The following PMPCB variants were observed in gnomAD, a reference collection of about 807,000 sequenced individuals.
The protein encoded by PMPCB is mitochondrial-processing peptidase subunit beta.
A neutral mutation model predicts 61.5 loss-of-function variants in PMPCB; 46 were observed. The observed-to-expected ratio is 0.75, with a 90% confidence interval of 0.59 to 0.96. The LOEUF is 0.96. PMPCB is among the 40% of genes least tolerant of loss of function. The pLI is 0.00. For synonymous variants in PMPCB, 191 were observed against 201.6 expected (o/e 0.95, Z 0.44); for missense variants, 590 against 602.4 (o/e 0.98, Z 0.22).
intron 12 of PMPCB, chr7:103,326,507 C>G: frequency 3.1e-6 from 5 of 1,609,478 alleles, no homozygotes; most frequent in Non-Finnish European, 4.2e-6. Flanking sequence ...AACAAGCCAA[C>G]AGGGCACTAT....
At chr7:103,310,766 C>G (rs1317409458) in intron 9 of PMPCB, 1 of 164,330 alleles carries the variant, frequency 6.1e-6, no homozygotes, top group Non-Finnish European at 1.3e-5. Flanking sequence ...CAGCCTCCGC[C>G]TCCCAGGTTC....
At chr7:103,331,623 C>G (rs1378268579), downstream of PMPCB, among the ~76,000 whole-genome samples, 1 of 152,210 alleles carries the variant, frequency 6.6e-6, no homozygotes, top group East Asian at 1.9e-4. Context: ...ATTTGCCTTT[C>G]TGTGCCTAGC....
At chr7:103,306,459 C>T (rs1022113966) in intron 6 of PMPCB, among the ~76,000 whole-genome samples, 2 of 151,542 alleles carry the variant, frequency 1.3e-5, no homozygotes, top group Non-Finnish European at 2.9e-5. Flanking sequence ...CTTGGCTCAC[C>T]GCAAACTCCG....
intron 6 of PMPCB, among the ~76,000 whole-genome samples, chr7:103,306,040 A>C (rs896598239): frequency 3.3e-5 from 5 of 152,252 alleles, no homozygotes; most frequent in Non-Finnish European, 7.3e-5. Flanking sequence ...TTCATTTTAA[A>C]TACTACATAA....
chr7:103,317,149 C>T, downstream of PMPCB: 1 of 758,074 alleles, frequency 1.3e-6, no homozygotes, highest in Non-Finnish European at 2.1e-6. Context: ...CTCAGGCCAA[C>T]CCAAAAAGAA....
chr7:103,322,053 C>T lies in PMPCB; in HGVS notation c.*1432-6878C>T, dbSNP rs781426067. ...CTCCTCTTCTTTCTCCTTAGCTAACCGAGCAGCTTCTAATTCAGCTTGTCT... is the reference window on the plus strand; with the variant it reads ...CTCCTCTTCTTTCTCCTTAGCTAACTGAGCAGCTTCTAATTCAGCTTGTCT... On this transcript the variant is annotated intron_variant and NMD_transcript_variant, in intron 12 of 12. Coordinates refer to the PMPCB transcript ENST00000444457. The T allele has an allele frequency of 9.9e-6, 16 of 1,612,134 alleles. No homozygotes were observed. Among genetic ancestry groups the T allele is most frequent in the Admixed American group, 3.3e-5 (2 of 59,908 alleles).
chr7:103,312,824 C>G lies in PMPCB; in HGVS notation c.*553C>G, dbSNP rs1817827356. 1.3e-6 allele frequency: 2 copies of G among 1,520,498 alleles called. No individual in the cohort carries two copies. The highest frequency in any genetic ancestry group is 2.8e-5 in the African/African-American group (2 of 71,774). 94.2% of individuals were successfully genotyped at this position (1,520,498 alleles called of 1,614,324 possible). ...TCATTTCTTCCTCATAATATTGACC[C>G]CATAACTACTGGTTTTGAAATAAGC... On this transcript the variant is annotated 3_prime_UTR_variant, in exon 13 of 13. Transcript: ENST00000249269.
chr7:103,325,049 G>A (rs924145011), intron 12 of PMPCB, among the ~76,000 whole-genome samples: 1 of 152,110 alleles, frequency 6.6e-6, no homozygotes, highest in Non-Finnish European at 1.5e-5. Context: ...TTGATCACTG[G>A]TGAAAAGGAT....
intron 12 of PMPCB, chr7:103,322,804 A>G: frequency 6.3e-7 from 1 of 1,596,304 alleles, no homozygotes; most frequent in Non-Finnish European, 8.5e-7. Flanking sequence ...ACTATAAAAT[A>G]GAAAATATTG....
chr7:103,308,848 ATTT>A (rs1461237206), intron 7 of PMPCB, 101 bp from the exon 8 acceptor site: 1 of 836,444 alleles, frequency 1.2e-6, no homozygotes, highest in Non-Finnish European at 1.8e-6. Context: ...CCTGGTGTGC[ATTT>A]TAACTTTGCA....
chr7:103,315,973 C>G, downstream of PMPCB: 1 of 1,573,812 alleles, frequency 6.4e-7, no homozygotes, highest in Non-Finnish European at 8.6e-7. Flanking sequence ...AACAAATGGA[C>G]TTCTCAAAAC....
At chr7:103,337,623 G>A in the PMPCB span, 4 of 820,112 alleles carry the variant, frequency 4.9e-6, no homozygotes, top group East Asian at 1.1e-4. Context: ...TATAACACAT[G>A]CTGTTAAATG....
At chr7:103,336,265 A>T in the PMPCB span, 1 of 152,266 alleles carries the variant, frequency 6.6e-6, no homozygotes, top group Non-Finnish European at 1.5e-5. Context: ...TCACCTTAAA[A>T]CACAAACTAT....
chr7:103,345,028 C>T, the PMPCB span: 22 of 374,324 alleles, frequency 5.9e-5, no homozygotes, highest in African/African-American at 4.2e-4. Context: ...ATGTATTAAT[C>T]TGAACCTAAT....
At chr7:103,322,306 A>C (rs1372899010) in intron 12 of PMPCB, among the ~76,000 whole-genome samples, 1 of 152,204 alleles carries the variant, frequency 6.6e-6, no homozygotes, top group Non-Finnish European at 1.5e-5. Flanking sequence ...TATTAAAGGA[A>C]CTTATGACAC....
intron 6 of PMPCB, among the ~76,000 whole-genome samples, chr7:103,305,446 T>C (rs900417135): frequency 6.6e-6 from 1 of 152,210 alleles, no homozygotes; most frequent in Non-Finnish European, 1.5e-5. Context: ...GAAATAGAGA[T>C]GGATTCTTAA....
intron 12 of PMPCB, among the ~76,000 whole-genome samples, chr7:103,324,264 C>T (rs1679041893): frequency 3.9e-5 from 6 of 152,126 alleles, no homozygotes; most frequent in African/African-American, 2.4e-5. Flanking sequence ...AATGACTCCC[C>T]AATTTTCATT....
At chr7:103,320,013 A>G (rs952080649) in intron 12 of PMPCB, among the ~76,000 whole-genome samples, 5 of 152,174 alleles carry the variant, frequency 3.3e-5, no homozygotes, top group African/African-American at 1.2e-4. Flanking sequence ...CAGCCTGGAC[A>G]ACAGAGCAAG....
At chr7:103,339,576 C>T in the PMPCB span, among the ~76,000 whole-genome samples, 4 of 151,978 alleles carry the variant, frequency 2.6e-5, no homozygotes, top group Admixed American at 6.6e-5. Flanking sequence ...ATGAGGACAC[C>T]GAAACTTTTA....
Sources: allele counts gnomAD v4.1 joint callset (sites outside exome capture counted in the v4.1 genomes callset), GRCh38; gene constraint gnomAD v4.1.1; transcripts MANE v1.5; gene names NCBI Gene and HGNC (gene_info 2026-07-23, HGNC 2026-07-21).